The following ZFHX4 variants were observed in gnomAD, a reference collection of about 807,000 sequenced individuals.
ZFHX4 encodes zinc finger homeobox 4.
ZFHX4 carries 56 observed loss-of-function variants against 267.6 expected under a neutral mutation model. That is an observed-to-expected ratio of 0.21 (90% CI 0.17 to 0.26). The LOEUF (loss-of-function observed/expected upper bound fraction) is 0.26, where lower values mean the gene tolerates loss of function less well. Among genes scored for constraint, ZFHX4 ranks in the 10% least tolerant of loss-of-function variants. ZFHX4 has a pLI of 1.00. For missense variants in ZFHX4, 4,332 were observed against 4,420.0 expected (o/e 0.98, Z 0.56); for synonymous variants, 1,778 against 1,665.6 (o/e 1.07, Z -1.64).
intron 4 of ZFHX4, among the ~76,000 whole-genome samples, chr8:76,822,143 A>C (rs1000450345): frequency 2.0e-5 from 3 of 152,054 alleles, no homozygotes; most frequent in Admixed American, 2.0e-4. Context: ...CTCCACCTGC[A>C]TTTTCCCTCA....
In ZFHX4 at chr8:76,851,428, G is replaced by A; in HGVS notation, c.4507G>A (p.Gly1503Arg). The A allele has an allele frequency of 6.2e-7, 1 of 1,613,858 alleles. No individual in the cohort carries two copies. Among genetic ancestry groups the A allele is most frequent in the Non-Finnish European group, 8.5e-7 (1 of 1,179,842 alleles). The change falls in exon 10 of 11, where the codon GGA becomes AGA. Residue 1503 changes from glycine (G) to arginine (R), a missense_variant. By Grantham distance (125) the Gly-to-Arg change is moderately radical (BLOSUM62 -2). Transcript: ENST00000651372. ...CCACGAAGGGAAAGCAAGTCCTGTA[G>A]GAAGTGATAGTAGCTCTATTCCAGA... ...VDHEGKASPV[G>R]SDSSSIPDDM...
chr8:76,794,873 T>TTTTG (rs1554565460), intron 4 of ZFHX4, among the ~76,000 whole-genome samples: 2 of 143,098 alleles, frequency 1.4e-5, no homozygotes. Context: ...TGGCCTGTCA[T>TTTTG]TGTGTGTGTG....
chr8:76,852,071 C>A lies in ZFHX4; in HGVS notation c.5150C>A (p.Ala1717Asp). 6 of 1,613,960 alleles carry A rather than the reference C, an allele frequency of 3.7e-6. No homozygotes were observed. The highest frequency in any genetic ancestry group is 5.1e-6 in the Non-Finnish European group (6 of 1,179,874). The change falls in exon 10 of 11, where the codon GCC (alanine) becomes GAC (aspartate). Residue 1717 changes from alanine to aspartate, a missense_variant. Coordinates refer to ENST00000651372, the MANE Select transcript of ZFHX4 (RefSeq NM_024721.5). ...AFFQPQFLNP[A>D]FLPHFPMTPE... ...TTTCAGCCTCAGTTTCTAAACCCAG[C>A]CTTTTTGCCTCATTTTCCTATGACC...
chr8:76,722,297 C>T (rs1333180477), intron 3 of ZFHX4, among the ~76,000 whole-genome samples: 1 of 152,048 alleles, frequency 6.6e-6, no homozygotes, highest in Non-Finnish European at 1.5e-5. Context: ...AGATTCTCTG[C>T]ATCAGCTTTC....
chr8:76,761,363 G>T (rs1432031767), intron 3 of ZFHX4, among the ~76,000 whole-genome samples: 1 of 152,168 alleles, frequency 6.6e-6, no homozygotes, highest in Admixed American at 6.5e-5. Context: ...TTGAAACTGT[G>T]TTTATTTATC....
At position 76,706,650 on chromosome 8, in the gene ZFHX4, G is replaced by T. The variant is rs1367315684; in HGVS notation, c.2562G>T (p.Ala854=). Residue 854 remains alanine, a synonymous_variant, in exon 2 of 11, where the codon GCG becomes GCT. Coordinates refer to ENST00000651372, the MANE Select transcript of ZFHX4 (RefSeq NM_024721.5). ...LMINPFQLDP[A]TAAALAPGLV... ...TCAATCCATTCCAGCTGGATCCAGC[G>T]ACAGCAGCGGCTTTGGCACCAGGGC... is the stretch of plus-strand genomic sequence containing the variant. 6.3e-7 allele frequency: 1 copy of T among 1,595,570 alleles called. No homozygotes were observed. The highest frequency in any genetic ancestry group is 1.1e-5 in the South Asian group (1 of 87,184).
chr8:76,717,998 C>T (rs551017284), intron 3 of ZFHX4, among the ~76,000 whole-genome samples: 18 of 152,290 alleles, frequency 1.2e-4, no homozygotes, highest in African/African-American at 4.3e-4. Flanking sequence ...TAGCATATGT[C>T]CTTAGGGTCT....
At chr8:76,825,658 C>T (rs911331588) in intron 4 of ZFHX4, among the ~76,000 whole-genome samples, 9 of 152,164 alleles carry the variant, frequency 5.9e-5, no homozygotes, top group Admixed American at 2.0e-4. Flanking sequence ...TCTGATTCTT[C>T]ACAGCAAGAG....
At chr8:76,860,817 G>A (rs1368725063) in intron 10 of ZFHX4, among the ~76,000 whole-genome samples, 1 of 152,058 alleles carries the variant, frequency 6.6e-6, no homozygotes, top group African/African-American at 2.4e-5. Context: ...ATCATAGCAG[G>A]AAGAAACCTA....
At chr8:76,733,075 A>G (rs1056630396) in intron 3 of ZFHX4, among the ~76,000 whole-genome samples, 3 of 151,870 alleles carry the variant, frequency 2.0e-5, no homozygotes, top group Admixed American at 6.6e-5. Flanking sequence ...ATCTAATACA[A>G]TTTTCTTTTG....
intron 5 of ZFHX4, among the ~76,000 whole-genome samples, chr8:76,835,600 T>A (rs1018399289): frequency 1.3e-5 from 2 of 152,066 alleles, no homozygotes; most frequent in Non-Finnish European, 2.9e-5. Context: ...TACGTTTACC[T>A]ATGCATGTCT....
At chr8:76,752,658 G>A in intron 3 of ZFHX4, among the ~76,000 whole-genome samples, 1 of 151,954 alleles carries the variant, frequency 6.6e-6, no homozygotes, top group East Asian at 1.9e-4. Flanking sequence ...ATGATAAAGT[G>A]AGACTCTGTC....
chr8:76,854,154 A>G lies in ZFHX4; in HGVS notation c.7233A>G (p.Glu2411=). 1 of 1,606,668 alleles carries G rather than the reference A, an allele frequency of 6.2e-7. No homozygotes were observed. The highest frequency in any genetic ancestry group is 8.5e-7 in the Non-Finnish European group (1 of 1,176,304). The change falls in exon 10 of 11, where the codon GAA becomes GAG. Residue 2411 remains glutamate (E), a synonymous_variant. Transcript: ENST00000651372. The stretch of plus-strand genomic sequence containing the variant: ...CTCCAAAACCTGAATATCCCGCAGA[A>G]AAGCCAAAGCAGAGTGACCCCTCTC... ...KTSPKPEYPA[E]KPKQSDPSPP...
At chr8:76,708,817 A>T (rs1808347838) in intron 3 of ZFHX4, among the ~76,000 whole-genome samples, 1 of 150,790 alleles carries the variant, frequency 6.6e-6, no homozygotes, top group South Asian at 2.1e-4. Flanking sequence ...TATTTTCTGC[A>T]GTTTGTTCAC....
chr8:76,805,484 A>G (rs550729651), intron 4 of ZFHX4, among the ~76,000 whole-genome samples: 9 of 152,166 alleles, frequency 5.9e-5, no homozygotes, highest in African/African-American at 1.9e-4. Context: ...TGAGGCTGAA[A>G]CTAATGATTT....
chr8:76,855,947 G>A lies in ZFHX4; in HGVS notation c.9026G>A (p.Cys3009Tyr). 1.2e-6 allele frequency: 2 copies of A among 1,613,942 alleles called. No individual in the cohort carries two copies. Among genetic ancestry groups the A allele is most frequent in the Non-Finnish European group, 1.7e-6 (2 of 1,179,866 alleles). The part of the protein sequence containing the change: ...QGGTEGTKPE[C>Y]TLCGVKYSAR... ...GGAACGGAAGGCACCAAACCAGAGT[G>A]TACCCTCTGCGGGGTGAAGTACTCT... Residue 3009 changes from cysteine to tyrosine, a missense_variant, in exon 10 of 11, where the codon TGT becomes TAT. Around this residue, in one of 7 missense-constraint regions of ZFHX4, gnomAD observed 1,648 missense variants for 1,625.0 expected, o/e 1.01. Transcript: ENST00000651372.
chr8:76,799,532 A>C (rs946718921), intron 4 of ZFHX4, among the ~76,000 whole-genome samples: 19 of 152,186 alleles, frequency 1.2e-4, no homozygotes, highest in Admixed American at 3.3e-4. Flanking sequence ...TGAACGAGCC[A>C]ATAGAAAACA....
Position 76,704,710 on chromosome 8 carries a change from G to T in ZFHX4, c.622G>T (p.Asp208Tyr), listed in dbSNP as rs778310765. ...ASSLGKPFTADQAFPNTSALA... is the reference protein window; with the variant it reads ...ASSLGKPFTAYQAFPNTSALA... ...ATCCCTCGGGAAACCATTTACAGCCGATCAGGCTTTCCCAAATACCTCAGC... is the reference window on the plus strand; with the variant it reads ...ATCCCTCGGGAAACCATTTACAGCCTATCAGGCTTTCCCAAATACCTCAGC... Residue 208 changes from aspartate (D) to tyrosine (Y), a missense_variant, in exon 2 of 11, where the codon GAT becomes TAT. By Grantham distance (160) the Asp-to-Tyr change is radical (BLOSUM62 -3). Transcript: ENST00000651372. The T allele has an allele frequency of 1.2e-6, 2 of 1,613,944 alleles. No individual in the cohort carries two copies. Among genetic ancestry groups the T allele is most frequent in the Non-Finnish European group, 1.7e-6 (2 of 1,179,886 alleles).
chr8:76,777,358 C>T (rs533746347), intron 3 of ZFHX4, among the ~76,000 whole-genome samples: 71 of 152,012 alleles, frequency 4.7e-4, no homozygotes, highest in Non-Finnish European at 6.9e-4. Context: ...GCAGAGCTTG[C>T]GAAACAGATT....
Sources: gnomAD v4.1 joint callset for allele counts (sites outside exome capture counted in the v4.1 genomes callset) on GRCh38, gnomAD v4.1.1 for gene constraint, gnomAD v4.1.1 regional missense constraint, MANE v1.5 for transcripts, NCBI Gene and HGNC (gene_info 2026-07-23, HGNC 2026-07-21) for gene names.